Variants in TMPRSS11D observed in about 807,000 individuals in gnomAD.
TMPRSS11D encodes transmembrane protease serine 11D.
In TMPRSS11D, 32 loss-of-function variants were observed where a neutral mutation model predicts 44.4. The observed-to-expected ratio is 0.72, with a 90% confidence interval of 0.54 to 0.97. TMPRSS11D has a LOEUF of 0.97. Ranked by LOEUF, TMPRSS11D falls within the 50% of genes least tolerant of loss-of-function variation. The pLI is 0.00. For missense variants in TMPRSS11D, 446 were observed against 502.6 expected, an observed-to-expected ratio of 0.89 and a Z score of 1.08; for synonymous variants, 179 against 177.9, an observed-to-expected ratio of 1.01 and a Z score of -0.05.
At chr4:67,831,055 T>C (rs2109661937) in intron 7 of TMPRSS11D, among the ~76,000 whole-genome samples, 1 of 152,192 alleles carries the variant, frequency 6.6e-6, no homozygotes, top group Middle Eastern at 3.4e-3. Context: ...AGTATGAGTC[T>C]CCAGGAATAA....
intron 1 of TMPRSS11D, chr4:67,860,517 A>G (rs1030084488): frequency 2.0e-5 from 3 of 152,090 alleles, no homozygotes; most frequent in African/African-American, 7.2e-5. Context: ...TATAAAGTAT[A>G]TATTTCTAGT....
intron 3 of TMPRSS11D, among the ~76,000 whole-genome samples, chr4:67,850,611 T>C (rs138072829): frequency 3.9e-5 from 6 of 152,074 alleles, no homozygotes; most frequent in Non-Finnish European, 7.4e-5. Context: ...CCAGCTCTGG[T>C]GGGGTGACAG....
chr4:67,823,745 C>T lies in TMPRSS11D; in HGVS notation c.1096-1247G>A, dbSNP rs376117472. ...ATGGCAAGTACTTCATGAAGCTGGT[C>T]GTCACCTGCTTCTTTTAGATGACAT... On this transcript the variant is annotated intron_variant, in intron 9 of 9. Transcript: ENST00000283916. Among the ~76,000 whole-genome samples the T allele has an allele frequency of 1.9e-4, 29 of 152,148 alleles. No individual in the cohort carries two copies. The South Asian group carries it at 4.4e-3, about 23-fold the overall frequency.
At chr4:67,877,587 C>T (rs887548155) in intron 1 of TMPRSS11D, among the ~76,000 whole-genome samples, 3 of 152,220 alleles carry the variant, frequency 2.0e-5, no homozygotes, top group Admixed American at 6.5e-5. Flanking sequence ...TGATCATCTT[C>T]TTTCTGATTC....
intron 1 of TMPRSS11D, among the ~76,000 whole-genome samples, chr4:67,876,933 C>A (rs1316982962): frequency 6.6e-6 from 1 of 152,084 alleles, no homozygotes; most frequent in Non-Finnish European, 1.5e-5. Context: ...CCTTGAATAT[C>A]CCTTTTTATT....
intron 1 of TMPRSS11D, among the ~76,000 whole-genome samples, chr4:67,881,570 C>T (rs1232887410): frequency 1.3e-5 from 2 of 152,164 alleles, no homozygotes; most frequent in African/African-American, 4.8e-5. Flanking sequence ...GAAATATGTT[C>T]TTTGCCTAAT....
intron 1 of TMPRSS11D, among the ~76,000 whole-genome samples, chr4:67,883,137 T>G (rs558932678): frequency 1.4e-4 from 22 of 152,182 alleles, no homozygotes; most frequent in African/African-American, 5.3e-4. Context: ...CTGCACTTAT[T>G]ATAGCTAACA....
intron 1 of TMPRSS11D, among the ~76,000 whole-genome samples, chr4:67,861,243 C>T (rs1302819508): frequency 6.6e-6 from 1 of 152,088 alleles, no homozygotes; most frequent in Non-Finnish European, 1.5e-5. Context: ...GTTCAACAAC[C>T]ACTACTGTAG....
chr4:67,841,767 T>C (rs746240801), intron 4 of TMPRSS11D, among the ~76,000 whole-genome samples: 3 of 152,190 alleles, frequency 2.0e-5, no homozygotes, highest in African/African-American at 4.8e-5. Flanking sequence ...TTCTTATCCC[T>C]TTAACTCCTC....
At chr4:67,822,581 G>GAAGGAGTCAC (rs1717674403) in intron 9 of TMPRSS11D, 83 bp from the exon 10 acceptor site, 1 of 1,440,630 alleles carries the variant, frequency 6.9e-7, no homozygotes, top group East Asian at 2.3e-5. Flanking sequence ...GGCAGTCGAG[G>GAAGGAGTCAC]AAGGAGTCAC....
In TMPRSS11D at chr4:67,850,690, T is replaced by A. The variant is rs112340156; in HGVS notation, c.249+3378A>T. ...GGACAGGCAGAGCCCCAGGTCTGCA[T>A]GGTCAGGATATGCCTCCAACGGGAG... On this transcript the variant is annotated intron_variant, in intron 3 of 9. Coordinates refer to ENST00000283916, the MANE Select transcript of TMPRSS11D (RefSeq NM_004262.3). 8.0e-4 allele frequency among the ~76,000 whole-genome samples: 122 copies of A among 152,308 alleles called. 1 individual carries two copies. The highest frequency in any genetic ancestry group is 2.8e-3 in the African/African-American group (118 of 41,570).
At chr4:67,858,360 A>G (rs1326138037) in intron 2 of TMPRSS11D, among the ~76,000 whole-genome samples, 1 of 152,206 alleles carries the variant, frequency 6.6e-6, no homozygotes, top group Non-Finnish European at 1.5e-5. Flanking sequence ...CGTGTCATTA[A>G]GAGTGAAAAT....
intron 3 of TMPRSS11D, among the ~76,000 whole-genome samples, chr4:67,850,407 G>A (rs919826374): frequency 1.1e-4 from 17 of 151,196 alleles, no homozygotes; most frequent in African/African-American, 2.9e-4. Flanking sequence ...TGTTGCAGCC[G>A]CTCAAACAGA....
At chr4:67,849,959 T>C (rs951735196) in intron 3 of TMPRSS11D, among the ~76,000 whole-genome samples, 5 of 152,214 alleles carry the variant, frequency 3.3e-5, no homozygotes, top group Admixed American at 1.3e-4. Context: ...TGGCATTGTA[T>C]TAGAGTACTA....
chr4:67,855,668 C>G (rs1043887369), intron 2 of TMPRSS11D, among the ~76,000 whole-genome samples: 1 of 152,110 alleles, frequency 6.6e-6, no homozygotes, highest in African/African-American at 2.4e-5. Flanking sequence ...CACTCCTATT[C>G]AACATAGTAC....
At chr4:67,843,158 C>CT (rs1718274077) in intron 3 of TMPRSS11D, among the ~76,000 whole-genome samples, 1 of 131,408 alleles carries the variant, frequency 7.6e-6, no homozygotes, top group African/African-American at 2.8e-5. Flanking sequence ...GCATCAGAGA[C>CT]TATTTTTTTA....
chr4:67,863,312 C>T (rs1269207267), intron 1 of TMPRSS11D, among the ~76,000 whole-genome samples: 3 of 128,028 alleles, frequency 2.3e-5, no homozygotes, highest in African/African-American at 9.6e-5. Context: ...AATAGAAAAC[C>T]AAAACTGGTC....
chr4:67,849,198 T>C (rs1397223975), intron 3 of TMPRSS11D, among the ~76,000 whole-genome samples: 10 of 152,180 alleles, frequency 6.6e-5, no homozygotes, highest in Admixed American at 5.9e-4. Flanking sequence ...ATAAATGGTA[T>C]TGCTATTAAT....
intron 1 of TMPRSS11D, among the ~76,000 whole-genome samples, chr4:67,882,953 C>T (rs988950333): frequency 7.9e-5 from 12 of 151,840 alleles, no homozygotes; most frequent in Admixed American, 2.6e-4. Flanking sequence ...GTATCTATTA[C>T]ATGAATATGA....
Sources: gnomAD v4.1 joint callset for allele counts (sites outside exome capture counted in the v4.1 genomes callset) on GRCh38, gnomAD v4.1.1 for gene constraint, MANE v1.5 for transcripts, NCBI Gene and HGNC (gene_info 2026-07-23, HGNC 2026-07-21) for gene names.